Variants in SCUBE1 observed in about 807,000 individuals in gnomAD.
The protein encoded by SCUBE1 is signal peptide, CUB and EGF-like domain-containing protein 1.
Under a neutral mutation model 124.4 loss-of-function variants are expected in SCUBE1, and 59 were observed. The observed-to-expected ratio is 0.47, with a 90% CI of 0.38 to 0.59. The LOEUF (loss-of-function observed/expected upper bound fraction) is 0.59, where lower values mean the gene tolerates loss of function less well. Ranked by LOEUF, SCUBE1 falls within the 20% of genes least tolerant of loss-of-function variation. The pLI is 0.00. For synonymous variants in SCUBE1, 545 were observed against 550.9 expected (o/e 0.99, Z 0.15); for missense variants, 1,150 against 1,371.2 (o/e 0.84, Z 2.55).
At position 43,310,426 on chromosome 22, in the gene SCUBE1, C is replaced by G. The variant is rs552247697; in HGVS notation, c.349+9511G>C. Among the ~76,000 whole-genome samples, 7 of 152,312 alleles carry G rather than the reference C, an allele frequency of 4.6e-5. No homozygotes were observed. The South Asian group carries it at 1.5e-3, about 32-fold the overall frequency. On this transcript the variant is annotated intron_variant, in intron 3 of 21. Transcript: ENST00000360835. The stretch of plus-strand genomic sequence containing the variant: ...CAGCGGCCATGATGTGCGGAAGCTC[C>G]TACCAGCCCATGTGGAAAGACCACA...
At chr22:43,332,064 A>G (rs184771598) in intron 2 of SCUBE1, among the ~76,000 whole-genome samples, 4 of 152,322 alleles carry the variant, frequency 2.6e-5, no homozygotes, top group Admixed American at 2.6e-4. Context: ...AGGCAGGAGG[A>G]TCACTTGAGG....
intron 4 of SCUBE1, among the ~76,000 whole-genome samples, chr22:43,277,396 G>A (rs1429379443): frequency 6.6e-6 from 1 of 152,188 alleles, no homozygotes; most frequent in Non-Finnish European, 1.5e-5. Flanking sequence ...AGGGAGGCCT[G>A]TGAGGCAGCT....
At chr22:43,264,369 A>G (rs1923983447) in intron 4 of SCUBE1, among the ~76,000 whole-genome samples, 1 of 152,204 alleles carries the variant, frequency 6.6e-6, no homozygotes. Flanking sequence ...CCAGGCAATA[A>G]GAGACGAGGT....
intron 7 of SCUBE1, among the ~76,000 whole-genome samples, chr22:43,236,604 G>A (rs931153114): frequency 3.3e-5 from 5 of 152,142 alleles, no homozygotes; most frequent in Admixed American, 6.5e-5. Context: ...CCTCCTTTGC[G>A]TCCTTCCCAG....
chr22:43,210,103 G>A lies in SCUBE1; in HGVS notation c.2521C>T (p.Pro841Ser), dbSNP rs1265029814. The change falls in exon 19 of 22, where the codon CCT (proline) becomes TCT (serine). Residue 841 changes from proline to serine, a missense_variant. This residue lies in a region of SCUBE1 where 757 missense variants were observed against 840.9 expected (regional missense o/e 0.90). Transcript: ENST00000360835. This position sits in a 1 kb window ranked among gnomAD's most constrained non-coding sequence, Gnocchi z 4.5. ...PPKRRILIVVPEIFLPIEDEC... is the reference protein window; with the variant it reads ...PPKRRILIVVSEIFLPIEDEC... ...TCCTCGATGGGCAGGAAGATCTCAGGGACCACGATGAGGATCCTGCGCTTT... is the reference window on the plus strand; with the variant it reads ...TCCTCGATGGGCAGGAAGATCTCAGAGACCACGATGAGGATCCTGCGCTTT... 1 of 1,612,838 alleles carries A rather than the reference G, an allele frequency of 6.2e-7. No homozygotes were observed. The highest frequency in any genetic ancestry group is 8.5e-7 in the Non-Finnish European group (1 of 1,179,696).
At chr22:43,312,893 C>T (rs917026978) in intron 3 of SCUBE1, among the ~76,000 whole-genome samples, 2 of 152,266 alleles carry the variant, frequency 1.3e-5, no homozygotes, top group African/African-American at 2.4e-5. Context: ...GGAGCTGGTG[C>T]AGTTCGGGCA....
chr22:43,296,439 T>G (rs1349911620), intron 3 of SCUBE1, among the ~76,000 whole-genome samples: 1 of 152,202 alleles, frequency 6.6e-6, no homozygotes, highest in Admixed American at 6.5e-5. Flanking sequence ...TCCTTCATCT[T>G]TATTTATGAC....
chr22:43,321,257 G>T (rs553891995), intron 2 of SCUBE1, among the ~76,000 whole-genome samples: 104 of 152,380 alleles, frequency 6.8e-4, no homozygotes, highest in Non-Finnish European at 1.3e-3. Flanking sequence ...TCCTGTAGAA[G>T]AAGAGAGCCT....
At chr22:43,219,284 C>A (rs1302457216) in intron 14 of SCUBE1, among the ~76,000 whole-genome samples, 1 of 152,062 alleles carries the variant, frequency 6.6e-6, no homozygotes, top group Non-Finnish European at 1.5e-5. Context: ...CTCTCTTGCT[C>A]CCTTACTCTT....
intron 2 of SCUBE1, among the ~76,000 whole-genome samples, chr22:43,328,559 AC>A (rs1926802690): frequency 1.3e-5 from 2 of 152,152 alleles, no homozygotes; most frequent in Non-Finnish European, 2.9e-5. Context: ...ATCCTAGAGC[AC>A]CCTGGATTTT....
intron 2 of SCUBE1, among the ~76,000 whole-genome samples, chr22:43,334,841 T>C (rs1183019982): frequency 6.6e-6 from 1 of 152,150 alleles, no homozygotes; most frequent in Non-Finnish European, 1.5e-5. Flanking sequence ...ACACTATCTG[T>C]ATGAAATAAG....
At chr22:43,221,372 A>G in intron 12 of SCUBE1, 83 bp from the exon 13 acceptor site, 1 of 766,688 alleles carries the variant, frequency 1.3e-6, no homozygotes, top group South Asian at 1.5e-5. Flanking sequence ...CCAGGGGACA[A>G]ATCCATCTGG....
At chr22:43,290,443 C>T (rs979729179) in intron 4 of SCUBE1, among the ~76,000 whole-genome samples, 6 of 152,260 alleles carry the variant, frequency 3.9e-5, no homozygotes, top group Non-Finnish European at 7.3e-5. Flanking sequence ...AGTTCCTTTG[C>T]CTGCTGGGCT....
Position 43,198,927 on chromosome 22 carries a change from G to A in SCUBE1, c.*5070C>T, listed in dbSNP as rs910907002. On this transcript the variant is annotated 3_prime_UTR_variant, in exon 22 of 22. Coordinates refer to ENST00000360835, the MANE Select transcript of SCUBE1 (RefSeq NM_173050.5). ...GCAGTTTGTCTGTCTGCTGTCTGGGGCAGTTTGTCTGTCTGTCTGCTGTCC... is the reference window on the plus strand; with the variant it reads ...GCAGTTTGTCTGTCTGCTGTCTGGGACAGTTTGTCTGTCTGTCTGCTGTCC... The A allele has an allele frequency of 8.1e-6, 3 of 370,976 alleles. No individual in the cohort carries two copies. Among genetic ancestry groups the A allele is most frequent in the African/African-American group, 4.3e-5 (2 of 46,818 alleles). 23.0% of individuals were successfully genotyped at this position (370,976 alleles called of 1,614,324 possible). A position where few individuals can be genotyped will look rare whatever the true frequency, so the allele number is the denominator to read the frequency against.
At chr22:43,277,942 C>A (rs1356426685) in intron 4 of SCUBE1, among the ~76,000 whole-genome samples, 2 of 152,238 alleles carry the variant, frequency 1.3e-5, no homozygotes, top group African/African-American at 2.4e-5. Flanking sequence ...CTCTCCCTGC[C>A]CTGCACCCAC....
intron 4 of SCUBE1, among the ~76,000 whole-genome samples, chr22:43,276,902 G>T (rs1002270344): frequency 6.6e-6 from 1 of 152,180 alleles, no homozygotes; most frequent in African/African-American, 2.4e-5. Context: ...TCTCACGCAC[G>T]TCAACTCCAT....
In SCUBE1 at chr22:43,304,196, C is replaced by G. The variant is rs554523008; in HGVS notation, c.350-13016G>C. Among the ~76,000 whole-genome samples the G allele has an allele frequency of 3.6e-3, 554 of 152,364 alleles. 5 individuals carry two copies. The highest frequency in any genetic ancestry group is 0.013 in the African/African-American group (532 of 41,580). Reference sequence around the variant, plus strand: ...GCATACAACTGACTGACTCTCCTGCCGTACAGCATCTGCACTTGCGGTGGC... The same window carrying G: ...GCATACAACTGACTGACTCTCCTGCGGTACAGCATCTGCACTTGCGGTGGC... On this transcript the variant is annotated intron_variant, in intron 3 of 21. Transcript: ENST00000360835.
At chr22:43,317,872 C>T (rs145727507) in intron 3 of SCUBE1, among the ~76,000 whole-genome samples, 251 of 152,298 alleles carry the variant, frequency 1.6e-3, no homozygotes, top group African/African-American at 5.4e-3. Context: ...TAATGCAACA[C>T]GACTGGTGTC....
intron 7 of SCUBE1, among the ~76,000 whole-genome samples, chr22:43,235,703 C>T (rs1487567940): frequency 6.6e-6 from 1 of 152,160 alleles, no homozygotes; most frequent in East Asian, 1.9e-4. Flanking sequence ...GGCAGCCCAG[C>T]CCTTCCCTGC....
Sources: allele counts gnomAD v4.1 joint callset (sites outside exome capture counted in the v4.1 genomes callset), GRCh38; gene constraint gnomAD v4.1.1; regional missense constraint gnomAD v4.1.1; non-coding constraint Gnocchi (gnomAD v3.1); transcripts MANE v1.5; gene names NCBI Gene and HGNC (gene_info 2026-07-23, HGNC 2026-07-21).